ERICH1: variants seen among roughly 807,000 people sequenced by gnomAD.
The protein encoded by ERICH1 is glutamate rich 1.
A neutral mutation model predicts 39.6 loss-of-function variants in ERICH1; 56 were observed. That is an observed-to-expected ratio of 1.41 (90% CI 1.14 to 1.77). The LOEUF is 1.77. Ranked by LOEUF, ERICH1 falls within the 40% of genes most tolerant of loss-of-function variation. ERICH1 has a pLI of 0.00. For missense variants in ERICH1, 826 were observed against 575.4 expected, an observed-to-expected ratio of 1.44 and a Z score of -4.45; for synonymous variants, 313 against 223.6, an observed-to-expected ratio of 1.40 and a Z score of -3.57.
chr8:673,558 T>A lies in ERICH1; in HGVS notation c.794A>T (p.Asp265Val). ...GTCCTCCTCCCTGGCGTCTTTAACG[T>A]CTTCCTCCCCGGCCGGTGTCGGATC... ...EEDPTPAGEE[D>V]VKDAREEDGV... Residue 265 changes from aspartate (D) to valine (V), a missense_variant, in exon 4 of 6, where the codon GAC becomes GTC. Coordinates refer to ENST00000262109, the MANE Select transcript of ERICH1 (RefSeq NM_207332.3). 7 of 1,550,930 alleles carry A rather than the reference T, an allele frequency of 4.5e-6. No individual in the cohort carries two copies. The highest frequency in any genetic ancestry group is 6.2e-6 in the Non-Finnish European group (7 of 1,131,336).
At chr8:673,168 C>A in intron 4 of ERICH1, 121 bp downstream of exon 4, 1 of 1,215,162 alleles carries the variant, frequency 8.2e-7, no homozygotes, top group Non-Finnish European at 1.1e-6. Flanking sequence ...TGCCTTACAA[C>A]TAATTATTTT....
At chr8:650,098 G>T (rs996571130) in intron 3 of ERICH1, among the ~76,000 whole-genome samples, 3 of 152,244 alleles carry the variant, frequency 2.0e-5, no homozygotes, top group Non-Finnish European at 4.4e-5. Flanking sequence ...AGGCCGGAAG[G>T]TTGCGGTCTC....
intron 3 of ERICH1, among the ~76,000 whole-genome samples, chr8:622,442 T>C (rs2117039994): frequency 6.6e-6 from 1 of 152,294 alleles, no homozygotes; most frequent in African/African-American, 2.4e-5. Flanking sequence ...ACGTTGAGGA[T>C]GCAGTGAGAA....
At position 673,273 on chromosome 8, in the gene ERICH1, A is replaced by C. The variant is rs1563223371; in HGVS notation, c.1063+16T>G. 6.3e-7 allele frequency: 1 copy of C among 1,580,894 alleles called. No individual in the cohort carries two copies. The highest frequency in any genetic ancestry group is 1.8e-5 in the Admixed American group (1 of 56,886). The stretch of plus-strand genomic sequence containing the variant: ...GTGGATGTCACTATGCAAGAGAAAA[A>C]CAGTAAAAAACATACCGTCATAAAA... On this transcript the variant is annotated intron_variant, in intron 4 of 5. Coordinates refer to ENST00000262109, the MANE Select transcript of ERICH1 (RefSeq NM_207332.3).
In ERICH1 at chr8:705,355, T is replaced by C. The variant is rs553454692; in HGVS notation, c.169+10506A>G. ...CCCGTGCAGAAGTGACCCACGGTTC[T>C]TACGTTTTTTATTGTGATTTCATCA... On this transcript the variant is annotated intron_variant, in intron 2 of 5. Coordinates refer to ENST00000262109, the MANE Select transcript of ERICH1 (RefSeq NM_207332.3). Among the ~76,000 whole-genome samples, 340 of 152,348 alleles carry C rather than the reference T, an allele frequency of 2.2e-3. 3 individuals carry two copies. Among genetic ancestry groups the C allele is most frequent in the African/African-American group, 8.0e-3 (331 of 41,590 alleles).
At chr8:704,598 T>C (rs1213740657) in intron 2 of ERICH1, among the ~76,000 whole-genome samples, 2 of 152,140 alleles carry the variant, frequency 1.3e-5, no homozygotes, top group African/African-American at 2.4e-5. Flanking sequence ...GACATAAACA[T>C]GTAAACAATA....
At chr8:663,632 C>T (rs1801761559), downstream of ERICH1, among the ~76,000 whole-genome samples, 1 of 152,154 alleles carries the variant, frequency 6.6e-6, no homozygotes, top group Non-Finnish European at 1.5e-5. Flanking sequence ...CCAGCAAACG[C>T]ATGTGGTACC....
At chr8:618,494 G>A (rs540643956) in intron 3 of ERICH1, among the ~76,000 whole-genome samples, 13 of 152,190 alleles carry the variant, frequency 8.5e-5, no homozygotes, top group Non-Finnish European at 1.5e-4. Context: ...CTCACTGCCC[G>A]GAGCAGTGCA....
chr8:669,829 C>A (rs1349070854), intron 4 of ERICH1, among the ~76,000 whole-genome samples: 1 of 152,252 alleles, frequency 6.6e-6, no homozygotes, highest in Non-Finnish European at 1.5e-5. Flanking sequence ...TCTCTGGCTG[C>A]TGTTCAGCAG....
At chr8:687,935 C>T (rs1807858243) in intron 3 of ERICH1, among the ~76,000 whole-genome samples, 1 of 152,090 alleles carries the variant, frequency 6.6e-6, no homozygotes, top group Admixed American at 6.5e-5. Flanking sequence ...CGAGCAGGGT[C>T]TGAGGCTCCA....
At chr8:683,356 G>T (rs952751908) in intron 3 of ERICH1, among the ~76,000 whole-genome samples, 1 of 152,208 alleles carries the variant, frequency 6.6e-6, no homozygotes. Flanking sequence ...CTGGGACAGA[G>T]ACTTCTCCCC....
intron 3 of ERICH1, among the ~76,000 whole-genome samples, chr8:636,373 C>G (rs1245449021): frequency 3.3e-5 from 5 of 152,260 alleles, no homozygotes; most frequent in Non-Finnish European, 1.5e-5. Context: ...CTGCTAGAGA[C>G]TGTCCTTCTG....
intron 3 of ERICH1, among the ~76,000 whole-genome samples, chr8:677,009 A>C (rs1300764916): frequency 6.6e-6 from 1 of 152,206 alleles, no homozygotes; most frequent in Admixed American, 6.5e-5. Flanking sequence ...TTCCACAATG[A>C]AGCTCTTCAA....
At chr8:688,807 G>A (rs189073565) in intron 3 of ERICH1, among the ~76,000 whole-genome samples, 9 of 152,284 alleles carry the variant, frequency 5.9e-5, no homozygotes, top group East Asian at 3.9e-4. Flanking sequence ...AAAGGGTATC[G>A]ATGGGAAATC....
Position 673,608 on chromosome 8 carries a change from T to C in ERICH1, c.744A>G (p.Glu248=), listed in dbSNP as rs369028033. Residue 248 remains glutamate, a synonymous_variant, in exon 4 of 6, where the codon GAA becomes GAG. Transcript: ENST00000262109. ...CTTCCTCACTGGCGTCCGCACCCTC[T>C]TCCTGCCTGGCCCGTGTCAGGTCTT... ...SEEDLTRARQ[E]EGADASEEDP... 4.5e-6 allele frequency: 7 copies of C among 1,548,898 alleles called. No homozygotes were observed. The highest frequency in any genetic ancestry group is 1.7e-4 in the Middle Eastern group (1 of 5,904).
chr8:637,171 T>C (rs1189527121), intron 3 of ERICH1, among the ~76,000 whole-genome samples: 1 of 152,232 alleles, frequency 6.6e-6, no homozygotes, highest in East Asian at 1.9e-4. Context: ...GCTGTAGTTG[T>C]GTCAGCCCTG....
At chr8:615,176 G>T in exon 4 of ERICH1, 1 of 645,046 alleles carries the variant, frequency 1.6e-6, no homozygotes, top group Admixed American at 2.7e-5. Flanking sequence ...GTCGAAAGTA[G>T]ACAGTTCCTC....
At chr8:711,660 G>C (rs1585583815) in intron 2 of ERICH1, among the ~76,000 whole-genome samples, 1 of 152,246 alleles carries the variant, frequency 6.6e-6, no homozygotes, top group East Asian at 1.9e-4. Context: ...ACCATGCCCA[G>C]CTGATTTTTT....
rs1463546209 is a variant in ERICH1, at chr8:664,600, A to T, written c.*3T>A. The T allele has an allele frequency of 6.2e-7, 1 of 1,607,818 alleles. No individual in the cohort carries two copies. Among genetic ancestry groups the T allele is most frequent in the Non-Finnish European group, 8.5e-7 (1 of 1,177,790 alleles). The stretch of plus-strand genomic sequence containing the variant: ...GGAGCTGTTCTTAAAGAGATATTCC[A>T]TTTTAGTCACTGCTCTTCTCAGGAA... On this transcript the variant is annotated 3_prime_UTR_variant, in exon 6 of 6. Coordinates refer to ENST00000262109, the MANE Select transcript of ERICH1 (RefSeq NM_207332.3).
Sources: gnomAD v4.1 joint callset for allele counts (sites outside exome capture counted in the v4.1 genomes callset) on GRCh38, gnomAD v4.1.1 for gene constraint, MANE v1.5 for transcripts, NCBI Gene and HGNC (gene_info 2026-07-23, HGNC 2026-07-21) for gene names.